ME1: variants seen among roughly 807,000 people sequenced by gnomAD.
ME1 encodes the protein NADP-dependent malic enzyme.
ME1 carries 74 observed loss-of-function variants against 66.4 expected under a neutral mutation model. The ratio of observed to expected loss-of-function variants is 1.11; its 90% CI spans 0.92 to 1.35. ME1 has a LOEUF of 1.35. Among genes scored for constraint, ME1 ranks in the 40% most tolerant of loss-of-function variants. The pLI is 0.00. For synonymous variants in ME1, 251 were observed against 235.6 expected, an observed-to-expected ratio of 1.07 and a Z score of -0.60; for missense variants, 750 against 694.1, an observed-to-expected ratio of 1.08 and a Z score of -0.90.
chr6:83,385,013 T>C (rs978664208), intron 3 of ME1, among the ~76,000 whole-genome samples: 3 of 151,914 alleles, frequency 2.0e-5, no homozygotes, highest in African/African-American at 7.3e-5. Context: ...CACTTTCTTC[T>C]ATATGAACAT....
chr6:83,259,394 T>C (rs1176330925), intron 6 of ME1, among the ~76,000 whole-genome samples: 3 of 152,146 alleles, frequency 2.0e-5, no homozygotes, highest in Admixed American at 2.0e-4. Context: ...AGTGGCACAC[T>C]GATCACTAAA....
chr6:83,423,929 C>A lies in ME1; in HGVS notation c.78+6948G>T, dbSNP rs192516123. On this transcript the variant is annotated intron_variant, in intron 1 of 13. Transcript: ENST00000369705. ...TTTCAGACCAGTCTGGGGAACATGG[C>A]AAAATGCCATCTCTACAAAAAAATA... Among the ~76,000 whole-genome samples the A allele has an allele frequency of 2.7e-4, 41 of 151,998 alleles. No individual in the cohort carries two copies. The East Asian group carries it at 7.5e-3, about 28-fold the overall frequency.
intron 9 of ME1, among the ~76,000 whole-genome samples, chr6:83,232,571 A>G (rs910073164): frequency 6.6e-6 from 1 of 152,150 alleles, no homozygotes; most frequent in Non-Finnish European, 1.5e-5. Context: ...ATCATACTCT[A>G]TTTGAAATAA....
At chr6:83,398,965 A>T (rs1390251114) in intron 2 of ME1, among the ~76,000 whole-genome samples, 1 of 151,934 alleles carries the variant, frequency 6.6e-6, no homozygotes. Context: ...AGGGCATGCC[A>T]CCACACCCGG....
At chr6:83,237,267 GAAA>G (rs1357437518) in intron 9 of ME1, among the ~76,000 whole-genome samples, 3 of 84,368 alleles carry the variant, frequency 3.6e-5, no homozygotes, top group African/African-American at 5.5e-5. Context: ...AAGAAAGAAA[GAAA>G]GAAAGAAAGG....
chr6:83,426,436 A>G (rs1373403989), intron 1 of ME1, among the ~76,000 whole-genome samples: 1 of 152,260 alleles, frequency 6.6e-6, no homozygotes, highest in Non-Finnish European at 1.5e-5. Context: ...ACCTGGCTGT[A>G]TATGACTTTC....
chr6:83,341,368 T>G (rs759362624), intron 5 of ME1, among the ~76,000 whole-genome samples: 4 of 152,176 alleles, frequency 2.6e-5, no homozygotes, highest in Non-Finnish European at 5.9e-5. Context: ...ACAATAGCTT[T>G]CAGTGAGTTT....
At chr6:83,329,993 T>G (rs1768373830) in intron 5 of ME1, among the ~76,000 whole-genome samples, 1 of 152,086 alleles carries the variant, frequency 6.6e-6, no homozygotes, top group South Asian at 2.1e-4. Flanking sequence ...AATTTTATTT[T>G]AATTTTTGCA....
At chr6:83,266,229 T>C (rs1467910712) in intron 6 of ME1, among the ~76,000 whole-genome samples, 1 of 152,216 alleles carries the variant, frequency 6.6e-6, no homozygotes, top group Non-Finnish European at 1.5e-5. Context: ...AAAAAGGACT[T>C]TGCATGTATA....
chr6:83,306,896 A>T (rs1012000158), intron 6 of ME1, among the ~76,000 whole-genome samples: 15 of 152,154 alleles, frequency 9.9e-5, no homozygotes, highest in African/African-American at 3.6e-4. Context: ...GAACAAAAAC[A>T]GTGTAAAACA....
At chr6:83,358,519 C>A (rs1477199874) in intron 3 of ME1, among the ~76,000 whole-genome samples, 1 of 152,160 alleles carries the variant, frequency 6.6e-6, no homozygotes, top group Non-Finnish European at 1.5e-5. Context: ...GAAAAACAGA[C>A]ACAAGCTCTT....
chr6:83,354,318 G>T (rs528062429), intron 3 of ME1, among the ~76,000 whole-genome samples: 3 of 152,122 alleles, frequency 2.0e-5, no homozygotes, highest in Non-Finnish European at 2.9e-5. Flanking sequence ...GTAGACATGA[G>T]ATGGGGTTTC....
intron 6 of ME1, among the ~76,000 whole-genome samples, chr6:83,290,760 C>G (rs893202704): frequency 4.6e-5 from 7 of 152,264 alleles, no homozygotes; most frequent in Non-Finnish European, 1.0e-4. Flanking sequence ...GAGTCTAAGT[C>G]TCTTTGTAGG....
chr6:83,306,168 G>C (rs982754638), intron 6 of ME1, among the ~76,000 whole-genome samples: 3 of 151,876 alleles, frequency 2.0e-5, no homozygotes, highest in African/African-American at 7.2e-5. Context: ...CCAATGAGCG[G>C]ATGTATCATT....
intron 1 of ME1, among the ~76,000 whole-genome samples, chr6:83,414,520 AG>A (rs1770122933): frequency 1.3e-5 from 2 of 152,158 alleles, no homozygotes; most frequent in Admixed American, 6.5e-5. Flanking sequence ...ATCACTTTAT[AG>A]TACCCCAAAA....
At chr6:83,359,094 C>A (rs2128545585) in intron 3 of ME1, among the ~76,000 whole-genome samples, 1 of 151,640 alleles carries the variant, frequency 6.6e-6, no homozygotes, top group Non-Finnish European at 1.5e-5. Context: ...GGTGGCTGGG[C>A]AGAGGCGCTC....
chr6:83,333,619 G>A (rs1384313977), intron 5 of ME1, among the ~76,000 whole-genome samples: 1 of 152,152 alleles, frequency 6.6e-6, no homozygotes, highest in African/African-American at 2.4e-5. Flanking sequence ...AACTCCAAGA[G>A]CTCAAATGGA....
chr6:83,320,636 C>A (rs915766595), intron 5 of ME1, among the ~76,000 whole-genome samples: 1 of 152,202 alleles, frequency 6.6e-6, no homozygotes, highest in East Asian at 1.9e-4. Flanking sequence ...ATACTTTCTC[C>A]ATGTCTAGAA....
chr6:83,383,983 G>A (rs1769455773), intron 3 of ME1, among the ~76,000 whole-genome samples: 1 of 151,816 alleles, frequency 6.6e-6, no homozygotes, highest in Non-Finnish European at 1.5e-5. Context: ...CTGCACCCAT[G>A]TTGCTGCAAA....
Sources: allele counts gnomAD v4.1 joint callset (sites outside exome capture counted in the v4.1 genomes callset), GRCh38; gene constraint gnomAD v4.1.1; transcripts MANE v1.5; gene names NCBI Gene and HGNC (gene_info 2026-07-23, HGNC 2026-07-21).